The following SNX24 variants were observed in gnomAD, a reference collection of about 807,000 sequenced individuals.
The protein encoded by SNX24 is sorting nexin-24.
SNX24 carries 22 observed loss-of-function variants against 28.7 expected under a neutral mutation model. The ratio of observed to expected loss-of-function variants is 0.77; its 90% CI spans 0.55 to 1.10. The LOEUF (loss-of-function observed/expected upper bound fraction) is 1.10. Among genes scored for constraint, SNX24 ranks in the 50% least tolerant of loss-of-function variants. The probability of loss-of-function intolerance (pLI) is 0.00; values close to 1 mark genes in which losing one functional copy is unlikely to be tolerated. For synonymous variants in SNX24, 69 were observed against 71.5 expected, an observed-to-expected ratio of 0.96 and a Z score of 0.18; for missense variants, 221 against 201.1, an observed-to-expected ratio of 1.10 and a Z score of -0.60.
downstream of SNX24, among the ~76,000 whole-genome samples, chr5:123,010,184 C>T (rs1338891338): frequency 1.3e-5 from 2 of 152,184 alleles, no homozygotes; most frequent in African/African-American, 4.8e-5. Flanking sequence ...CTCCCTTCAA[C>T]GCACATCCAG....
intron 1 of SNX24, among the ~76,000 whole-genome samples, chr5:122,901,883 A>G (rs1561569765): frequency 6.6e-6 from 1 of 152,166 alleles, no homozygotes; most frequent in Non-Finnish European, 1.5e-5. Context: ...CCTGTGGTAG[A>G]ACATCCTAAT....
chr5:122,912,806 A>T (rs1317721422), intron 1 of SNX24, among the ~76,000 whole-genome samples: 3 of 150,700 alleles, frequency 2.0e-5, no homozygotes, highest in African/African-American at 7.4e-5. Flanking sequence ...GGTCTAGGAC[A>T]GTAGTGGAGG....
chr5:122,968,140 G>A (rs1218331418), intron 3 of SNX24, among the ~76,000 whole-genome samples: 1 of 152,126 alleles, frequency 6.6e-6, no homozygotes, highest in East Asian at 1.9e-4. Context: ...GATCACCTGA[G>A]GTCAGGAGTT....
At chr5:122,912,620 C>T (rs1181689629) in intron 1 of SNX24, among the ~76,000 whole-genome samples, 4 of 151,690 alleles carry the variant, frequency 2.6e-5, no homozygotes, top group Non-Finnish European at 5.9e-5. Context: ...ATAGATAGCT[C>T]TTATTATTTT....
At chr5:122,941,147 T>C (rs1384630202) in intron 2 of SNX24, among the ~76,000 whole-genome samples, 1 of 152,200 alleles carries the variant, frequency 6.6e-6, no homozygotes, top group African/African-American at 2.4e-5. Context: ...TTCCCTCTCA[T>C]GATAACACTG....
At chr5:122,890,944 G>T in intron 1 of SNX24, 5 of 1,235,534 alleles carry the variant, frequency 4.0e-6, no homozygotes, top group Non-Finnish European at 5.1e-6. Flanking sequence ...AGATTTTTCT[G>T]CAAGGATTTT....
chr5:122,887,865 G>A (rs542809468), intron 1 of SNX24, among the ~76,000 whole-genome samples: 5 of 152,148 alleles, frequency 3.3e-5, no homozygotes, highest in Non-Finnish European at 7.3e-5. Context: ...ACCATGCCCA[G>A]TTAATTTTTA....
intron 3 of SNX24, among the ~76,000 whole-genome samples, chr5:122,957,350 C>T (rs1481977056): frequency 2.0e-5 from 3 of 152,182 alleles, no homozygotes; most frequent in Non-Finnish European, 2.9e-5. Context: ...TATTTCTGTA[C>T]TGTTTATGCC....
chr5:122,963,608 G>A (rs1015708155), intron 3 of SNX24, among the ~76,000 whole-genome samples: 1 of 152,126 alleles, frequency 6.6e-6, no homozygotes, highest in Non-Finnish European at 1.5e-5. Context: ...ATTTTAGGAA[G>A]GCAGACATCC....
At chr5:122,860,471 G>A (rs757308645) in intron 1 of SNX24, among the ~76,000 whole-genome samples, 6 of 152,170 alleles carry the variant, frequency 3.9e-5, no homozygotes, top group Non-Finnish European at 8.8e-5. Flanking sequence ...TCTAAACATT[G>A]AAAGAAGTCT....
At chr5:122,925,736 C>T (rs993855830) in intron 1 of SNX24, among the ~76,000 whole-genome samples, 3 of 152,172 alleles carry the variant, frequency 2.0e-5, no homozygotes, top group African/African-American at 7.2e-5. Flanking sequence ...TATTAGATTA[C>T]TGAGCTGGAC....
chr5:122,893,431 G>C (rs1328787037), intron 1 of SNX24, among the ~76,000 whole-genome samples: 2 of 152,000 alleles, frequency 1.3e-5, no homozygotes, highest in Non-Finnish European at 2.9e-5. Context: ...TGCGTGGTAG[G>C]TGTGCTATGG....
intron 6 of SNX24, among the ~76,000 whole-genome samples, chr5:123,005,495 A>G (rs1243224360): frequency 6.6e-6 from 1 of 152,218 alleles, no homozygotes; most frequent in Admixed American, 6.5e-5. Flanking sequence ...TCACTGCTTA[A>G]CATGTTACCA....
At chr5:122,934,603 C>T (rs564687324) in intron 1 of SNX24, among the ~76,000 whole-genome samples, 19 of 152,304 alleles carry the variant, frequency 1.2e-4, no homozygotes, top group African/African-American at 4.6e-4. Context: ...CATGATCCAC[C>T]TGCCTCGGCC....
At chr5:122,995,406 A>G (rs1261969532) in intron 3 of SNX24, among the ~76,000 whole-genome samples, 1 of 152,098 alleles carries the variant, frequency 6.6e-6, no homozygotes, top group African/African-American at 2.4e-5. Flanking sequence ...CTATTTTGAA[A>G]TCTTTTAGTT....
intron 6 of SNX24, 112 bp from the exon 7 acceptor site, chr5:123,007,570 G>A: frequency 1.0e-6 from 1 of 963,446 alleles, no homozygotes; most frequent in Non-Finnish European, 1.5e-6. Flanking sequence ...GCAGATTCCT[G>A]TGTTTACCGT....
chr5:122,859,469 G>A (rs538570055), intron 1 of SNX24, among the ~76,000 whole-genome samples: 1 of 152,302 alleles, frequency 6.6e-6, no homozygotes, highest in South Asian at 2.1e-4. Context: ...GCTGGGCATA[G>A]TGGTATGTAC....
intron 3 of SNX24, among the ~76,000 whole-genome samples, chr5:122,992,573 C>T (rs937035218): frequency 1.3e-5 from 2 of 152,292 alleles, no homozygotes; most frequent in Admixed American, 1.3e-4. Context: ...CAACTCCCAG[C>T]TCAAGGGTCA....
chr5:122,896,521 G>A (rs1013730127), intron 1 of SNX24, among the ~76,000 whole-genome samples: 13 of 152,168 alleles, frequency 8.5e-5, no homozygotes, highest in African/African-American at 2.9e-4. Context: ...GGAGCCTCCT[G>A]TCCTGTCAAG....
Sources: gnomAD v4.1 joint callset for allele counts (sites outside exome capture counted in the v4.1 genomes callset) on GRCh38, gnomAD v4.1.1 for gene constraint, MANE v1.5 for transcripts, NCBI Gene and HGNC (gene_info 2026-07-23, HGNC 2026-07-21) for gene names.